The following CACNG3 variants were observed in gnomAD, a reference collection of about 807,000 sequenced individuals.
CACNG3 encodes calcium voltage-gated channel auxiliary subunit gamma 3, also known as voltage-dependent calcium channel gamma-3 subunit.
In CACNG3, 3 loss-of-function variants were observed where a neutral mutation model predicts 28.5. The ratio of observed to expected loss-of-function variants is 0.11; its 90% CI spans 0.05 to 0.27. The LOEUF is 0.27. Among genes scored for constraint, CACNG3 ranks in the 10% least tolerant of loss-of-function variants. The probability of loss-of-function intolerance (pLI) is 1.00; values close to 1 mark genes in which losing one functional copy is unlikely to be tolerated. For missense variants in CACNG3, 236 were observed against 414.4 expected, an observed-to-expected ratio of 0.57 and a Z score of 3.74; for synonymous variants, 174 against 162.2, an observed-to-expected ratio of 1.07 and a Z score of -0.55.
chr16:24,351,616 GGGA>G, intron 2 of CACNG3, among the ~76,000 whole-genome samples: 2 of 117,442 alleles, frequency 1.7e-5, no homozygotes, highest in Admixed American at 8.9e-5. Context: ...GAAGGGGAAG[GGGA>G]AGGAGGGGAA....
chr16:24,326,048 T>G (rs1443726397), intron 1 of CACNG3, among the ~76,000 whole-genome samples: 1 of 152,222 alleles, frequency 6.6e-6, no homozygotes, highest in Non-Finnish European at 1.5e-5. Flanking sequence ...ATCTCTGCCT[T>G]GATTTCACCC....
intron 1 of CACNG3, among the ~76,000 whole-genome samples, chr16:24,326,648 T>A (rs554111915): frequency 1.4e-4 from 21 of 152,308 alleles, no homozygotes; most frequent in African/African-American, 4.3e-4. Flanking sequence ...CAGGAGAATT[T>A]AGAATTCTGA....
intron 1 of CACNG3, among the ~76,000 whole-genome samples, chr16:24,322,768 T>C (rs1221537304): frequency 6.6e-6 from 1 of 152,192 alleles, no homozygotes; most frequent in Non-Finnish European, 1.5e-5. Context: ...TTCATGTCTT[T>C]ATCTGTGATT....
chr16:24,270,116 T>C (rs923793532), intron 1 of CACNG3, among the ~76,000 whole-genome samples: 5 of 152,186 alleles, frequency 3.3e-5, no homozygotes, highest in African/African-American at 4.8e-5. Flanking sequence ...CATATGCTGT[T>C]TGACATCATG....
intron 1 of CACNG3, among the ~76,000 whole-genome samples, chr16:24,293,119 C>T (rs966065393): frequency 8.5e-5 from 13 of 152,208 alleles, no homozygotes; most frequent in Admixed American, 7.2e-4. Flanking sequence ...CCCATCTAAG[C>T]CAAGAAGTTA....
chr16:24,272,419 A>AT (rs1567207796), intron 1 of CACNG3, among the ~76,000 whole-genome samples: 1 of 151,630 alleles, frequency 6.6e-6, no homozygotes, highest in South Asian at 2.1e-4. Context: ...GGGAGCATAC[A>AT]TTTTTTCTTT....
chr16:24,296,465 C>G (rs551108646), intron 1 of CACNG3, among the ~76,000 whole-genome samples: 2 of 152,324 alleles, frequency 1.3e-5, no homozygotes, highest in African/African-American at 4.8e-5. Flanking sequence ...AAAGAAGCTG[C>G]TCACGGGACT....
At chr16:24,265,274 G>A (rs189639838) in intron 1 of CACNG3, among the ~76,000 whole-genome samples, 5 of 128,096 alleles carry the variant, frequency 3.9e-5, no homozygotes, top group Non-Finnish European at 3.1e-5. Flanking sequence ...AGCGAGAGAA[G>A]GAAGGAAGGA....
chr16:24,327,151 A>AAG (rs1899560769), intron 1 of CACNG3, among the ~76,000 whole-genome samples: 2 of 136,736 alleles, frequency 1.5e-5, no homozygotes, highest in Admixed American at 1.5e-4. Context: ...AAAAAAAAAA[A>AAG]AAGCCATAGC....
intron 3 of CACNG3, among the ~76,000 whole-genome samples, chr16:24,360,910 G>A (rs113938459): frequency 1.3e-4 from 20 of 152,114 alleles, no homozygotes; most frequent in African/African-American, 4.1e-4. Context: ...CCATTTTTAT[G>A]TGTCTCCTTA....
At chr16:24,325,705 T>G (rs775183869) in intron 1 of CACNG3, among the ~76,000 whole-genome samples, 1 of 152,170 alleles carries the variant, frequency 6.6e-6, no homozygotes, top group Non-Finnish European at 1.5e-5. Flanking sequence ...TTCACAACTG[T>G]GGAAACCAAG....
At chr16:24,286,851 G>T (rs1407588353) in intron 1 of CACNG3, among the ~76,000 whole-genome samples, 5 of 152,194 alleles carry the variant, frequency 3.3e-5, no homozygotes, top group Admixed American at 3.3e-4. Context: ...ACGACTGTGT[G>T]GGATTTCCTC....
intron 1 of CACNG3, among the ~76,000 whole-genome samples, chr16:24,344,101 A>T (rs1015596986): frequency 7.2e-5 from 11 of 151,862 alleles, no homozygotes; most frequent in African/African-American, 2.7e-4. Context: ...AACATTAGGC[A>T]CCTCATAAAG....
intron 1 of CACNG3, among the ~76,000 whole-genome samples, chr16:24,261,223 C>A (rs572690981): frequency 2.8e-4 from 42 of 152,178 alleles, no homozygotes; most frequent in African/African-American, 9.9e-4. Flanking sequence ...CAATTCTCAG[C>A]AGGTTTGGAG....
chr16:24,314,245 G>A (rs1899315773), intron 1 of CACNG3, among the ~76,000 whole-genome samples: 1 of 152,108 alleles, frequency 6.6e-6, no homozygotes, highest in Admixed American at 6.5e-5. Context: ...GGGAGCCTTT[G>A]GTTCAAAAAA....
At chr16:24,323,239 AAG>A (rs35498529) in intron 1 of CACNG3, among the ~76,000 whole-genome samples, 4 of 143,080 alleles carry the variant, frequency 2.8e-5, no homozygotes, top group South Asian at 2.3e-4. Flanking sequence ...AAAAAAAAAA[AAG>A]AGAGAGAGAG....
chr16:24,332,718 T>C (rs751450206), intron 1 of CACNG3, among the ~76,000 whole-genome samples: 6 of 152,144 alleles, frequency 3.9e-5, no homozygotes, highest in Non-Finnish European at 7.3e-5. Flanking sequence ...AAGTAAACTC[T>C]GTCTTAATAT....
intron 1 of CACNG3, among the ~76,000 whole-genome samples, chr16:24,305,700 G>A (rs2141362183): frequency 1.3e-5 from 2 of 151,870 alleles, no homozygotes; most frequent in South Asian, 4.2e-4. Flanking sequence ...ATACATGCGG[G>A]GTCTACAACC....
At chr16:24,325,359 A>G (rs1946752014) in intron 1 of CACNG3, among the ~76,000 whole-genome samples, 1 of 152,188 alleles carries the variant, frequency 6.6e-6, no homozygotes, top group Non-Finnish European at 1.5e-5. Context: ...AACAAGGGTT[A>G]GGGGGACGTC....
Sources: gnomAD v4.1 joint callset for allele counts (sites outside exome capture counted in the v4.1 genomes callset) on GRCh38, gnomAD v4.1.1 for gene constraint, MANE v1.5 for transcripts, NCBI Gene and HGNC (gene_info 2026-07-23, HGNC 2026-07-21) for gene names.